The following ZNF385B variants were observed in gnomAD, a reference collection of about 807,000 sequenced individuals.
ZNF385B encodes the protein zinc finger protein 533.
Under a neutral mutation model 39.2 loss-of-function variants are expected in ZNF385B, and 23 were observed. The observed-to-expected ratio is 0.59, with a 90% CI of 0.42 to 0.83. The LOEUF (loss-of-function observed/expected upper bound fraction) is 0.83, where lower values mean the gene tolerates loss of function less well. ZNF385B is among the 40% of genes least tolerant of loss of function. ZNF385B has a pLI of 0.00. For missense variants in ZNF385B, 552 were observed against 598.9 expected (o/e 0.92, Z 0.82); for synonymous variants, 205 against 222.6 (o/e 0.92, Z 0.70).
chr2:179,688,992 C>T (rs917482698), intron 3 of ZNF385B, among the ~76,000 whole-genome samples: 2 of 152,152 alleles, frequency 1.3e-5, no homozygotes, highest in Admixed American at 1.3e-4. Context: ...GAGAACTCTT[C>T]CTGGGCTTTT....
chr2:179,645,575 C>T lies in ZNF385B; in HGVS notation c.299-100606G>A, dbSNP rs546663014. On this transcript the variant is annotated intron_variant, in intron 3 of 9. Coordinates refer to ENST00000410066, the MANE Select transcript of ZNF385B (RefSeq NM_152520.6). ...CTGGGAACCAATTACTCTTAAGACT[C>T]GAGCTTTATGGTTCTCCCAATATAG... Among the ~76,000 whole-genome samples the T allele has an allele frequency of 3.9e-5, 6 of 152,252 alleles. No individual in the cohort carries two copies. The South Asian group carries it at 1.0e-3, about 26-fold the overall frequency.
chr2:179,453,121 G>T lies in ZNF385B; in HGVS notation c.716-6351C>A, dbSNP rs1574206956. The stretch of plus-strand genomic sequence containing the variant: ...AACATTTTCCATGTCAATAAATGCA[G>T]AACTGGATTAAGATTTCTAACACCA... On this transcript the variant is annotated intron_variant, in intron 6 of 9. Coordinates refer to ENST00000410066, the MANE Select transcript of ZNF385B (RefSeq NM_152520.6). Among the ~76,000 whole-genome samples, 3 of 152,212 alleles carry T rather than the reference G, an allele frequency of 2.0e-5. No homozygotes were observed. The East Asian group carries it at 5.8e-4, about 29-fold the overall frequency.
chr2:179,820,678 A>G (rs2106581699), intron 1 of ZNF385B, among the ~76,000 whole-genome samples: 1 of 152,184 alleles, frequency 6.6e-6, no homozygotes, highest in African/African-American at 2.4e-5. Flanking sequence ...GCCAAGAATA[A>G]TTTTGACATG....
chr2:179,687,579 G>T (rs1018551204), intron 3 of ZNF385B, among the ~76,000 whole-genome samples: 2 of 152,080 alleles, frequency 1.3e-5, no homozygotes, highest in Admixed American at 1.3e-4. Flanking sequence ...GGATGAAAAA[G>T]GAGCTACTAT....
At chr2:179,731,605 G>C (rs745703511) in intron 3 of ZNF385B, among the ~76,000 whole-genome samples, 1 of 152,104 alleles carries the variant, frequency 6.6e-6, no homozygotes, top group Non-Finnish European at 1.5e-5. Context: ...ATTGATCAGG[G>C]TGGAGTGTGG....
At chr2:179,836,060 T>C (rs1376683982) in intron 1 of ZNF385B, among the ~76,000 whole-genome samples, 2 of 152,196 alleles carry the variant, frequency 1.3e-5, no homozygotes, top group Non-Finnish European at 2.9e-5. Flanking sequence ...ACAACATGGA[T>C]GAACCTTGAG....
intron 5 of ZNF385B, among the ~76,000 whole-genome samples, chr2:179,491,698 C>T (rs547714380): frequency 2.0e-5 from 3 of 151,952 alleles, no homozygotes; most frequent in African/African-American, 7.2e-5. Context: ...ATTTTTCATT[C>T]GCTTATTTAT....
intron 3 of ZNF385B, among the ~76,000 whole-genome samples, chr2:179,648,675 G>A (rs921868963): frequency 2.0e-5 from 3 of 152,102 alleles, no homozygotes; most frequent in African/African-American, 7.2e-5. Flanking sequence ...AGCCTGAAAT[G>A]TCTTACTGTG....
chr2:179,641,559 T>G (rs538934217), intron 3 of ZNF385B, among the ~76,000 whole-genome samples: 1 of 152,252 alleles, frequency 6.6e-6, no homozygotes, highest in Non-Finnish European at 1.5e-5. Context: ...TACCATTTTA[T>G]AAATATAAAA....
intron 3 of ZNF385B, among the ~76,000 whole-genome samples, chr2:179,640,763 G>C (rs1463913492): frequency 6.6e-6 from 1 of 151,976 alleles, no homozygotes; most frequent in Non-Finnish European, 1.5e-5. Flanking sequence ...TATTACACTT[G>C]GTTAATTGAG....
intron 3 of ZNF385B, among the ~76,000 whole-genome samples, chr2:179,703,908 G>A (rs563949302): frequency 3.3e-5 from 5 of 152,318 alleles, no homozygotes; most frequent in African/African-American, 9.6e-5. Flanking sequence ...AGTAGCAGGT[G>A]TGGAGGTGTA....
intron 3 of ZNF385B, among the ~76,000 whole-genome samples, chr2:179,603,923 G>A (rs1040802867): frequency 5.9e-5 from 9 of 152,282 alleles, no homozygotes; most frequent in Admixed American, 3.9e-4. Context: ...TAACTATAGT[G>A]TGATATATTA....
intron 6 of ZNF385B, among the ~76,000 whole-genome samples, chr2:179,451,961 T>G (rs367996879): frequency 1.1e-4 from 17 of 152,270 alleles, no homozygotes; most frequent in African/African-American, 3.8e-4. Flanking sequence ...CTGGAACTTC[T>G]GGTTAAGATG....
chr2:179,810,125 T>C (rs1246031544), intron 1 of ZNF385B, among the ~76,000 whole-genome samples: 1 of 151,924 alleles, frequency 6.6e-6, no homozygotes, highest in Non-Finnish European at 1.5e-5. Context: ...TTGAATATTG[T>C]CTTCTTAGGG....
intron 3 of ZNF385B, among the ~76,000 whole-genome samples, chr2:179,757,304 G>A (rs1419043848): frequency 6.6e-6 from 1 of 152,230 alleles, no homozygotes; most frequent in Non-Finnish European, 1.5e-5. Flanking sequence ...AAATGTTGCT[G>A]CCTGATCGTT....
chr2:179,658,164 A>G (rs1694010192), intron 3 of ZNF385B, among the ~76,000 whole-genome samples: 1 of 152,204 alleles, frequency 6.6e-6, no homozygotes, highest in African/African-American at 2.4e-5. Flanking sequence ...ATTTTCTTTG[A>G]AGGTCATGAA....
intron 3 of ZNF385B, among the ~76,000 whole-genome samples, chr2:179,726,486 G>A (rs558524496): frequency 6.6e-6 from 1 of 152,184 alleles, no homozygotes; most frequent in South Asian, 2.1e-4. Flanking sequence ...GGATATGGGA[G>A]TATTAGTACT....
intron 3 of ZNF385B, among the ~76,000 whole-genome samples, chr2:179,709,828 T>C (rs1699873282): frequency 6.6e-6 from 1 of 152,138 alleles, no homozygotes; most frequent in Non-Finnish European, 1.5e-5. Flanking sequence ...CTCTACCTGA[T>C]TGCTATGCCT....
At chr2:179,736,926 T>C (rs931111288) in intron 3 of ZNF385B, among the ~76,000 whole-genome samples, 1 of 152,200 alleles carries the variant, frequency 6.6e-6, no homozygotes, top group African/African-American at 2.4e-5. Flanking sequence ...GCAGAGATCA[T>C]GCCACTGCAC....
Sources: allele counts gnomAD v4.1 joint callset (sites outside exome capture counted in the v4.1 genomes callset), GRCh38; gene constraint gnomAD v4.1.1; transcripts MANE v1.5; gene names NCBI Gene and HGNC (gene_info 2026-07-23, HGNC 2026-07-21).